Variants in EYA1 observed in about 807,000 individuals in gnomAD.
The protein encoded by EYA1 is EYA transcriptional coactivator and phosphatase 1.
In EYA1, 16 loss-of-function variants were observed where a neutral mutation model predicts 82.0. The observed-to-expected ratio is 0.20, with a 90% confidence interval of 0.13 to 0.30. EYA1 has a LOEUF of 0.30. EYA1 is among the 10% of genes least tolerant of loss of function. The pLI is 1.00. For synonymous variants in EYA1, 261 were observed against 264.4 expected (o/e 0.99, Z 0.12); for missense variants, 633 against 730.7 (o/e 0.87, Z 1.54).
At chr8:71,329,085 G>A (rs1321485980) in intron 4 of EYA1, among the ~76,000 whole-genome samples, 1 of 152,174 alleles carries the variant, frequency 6.6e-6, no homozygotes, top group Non-Finnish European at 1.5e-5. Context: ...AAGTAGTGAT[G>A]AAGGGTGCGG....
chr8:71,203,559 G>T (rs1807340050), intron 17 of EYA1, among the ~76,000 whole-genome samples: 1 of 152,260 alleles, frequency 6.6e-6, no homozygotes, highest in East Asian at 1.9e-4. Flanking sequence ...AGGAGTAATT[G>T]GCCTGTGGAG....
intron 11 of EYA1, among the ~76,000 whole-genome samples, chr8:71,261,796 G>A (rs1024618266): frequency 1.3e-5 from 2 of 152,178 alleles, no homozygotes; most frequent in Non-Finnish European, 2.9e-5. Flanking sequence ...TAAGGGAAAG[G>A]CTAAACAGCT....
chr8:71,449,641 A>G (rs1288862261), intron 2 of EYA1, among the ~76,000 whole-genome samples: 1 of 152,208 alleles, frequency 6.6e-6, no homozygotes, highest in East Asian at 1.9e-4. Context: ...CAGAATAGGA[A>G]ATGAACAATG....
At chr8:71,439,831 T>A (rs996537129) in intron 2 of EYA1, among the ~76,000 whole-genome samples, 2 of 152,272 alleles carry the variant, frequency 1.3e-5, no homozygotes, top group South Asian at 4.2e-4. Context: ...CTCAACTAGC[T>A]GTGGGACTTA....
intron 12 of EYA1, among the ~76,000 whole-genome samples, chr8:71,219,753 T>G (rs1809660724): frequency 6.6e-6 from 1 of 152,208 alleles, no homozygotes; most frequent in Admixed American, 6.5e-5. Flanking sequence ...CACAATGTGT[T>G]AACCTGTTGT....
At chr8:71,252,466 C>T (rs542581896) in intron 11 of EYA1, among the ~76,000 whole-genome samples, 6 of 152,194 alleles carry the variant, frequency 3.9e-5, no homozygotes, top group South Asian at 4.1e-4. Flanking sequence ...AAGGCACTTT[C>T]GATAGAATGT....
chr8:71,244,627 T>C lies in EYA1; in HGVS notation c.1116A>G (p.Thr372=), dbSNP rs1041652836. The C allele has an allele frequency of 1.9e-6, 3 of 1,604,822 alleles. No homozygotes were observed. The highest frequency in any genetic ancestry group is 4.5e-5 in the East Asian group (2 of 44,698). The change falls in exon 12 of 18, where the codon ACA becomes ACG. Residue 372 remains threonine, a synonymous_variant. Transcript: ENST00000340726. ...MEEMIFNLAD[T]HLFFNDLEEC... is the part of the protein sequence containing the mutation. ...CTTCTAAGTCATTAAAAAATAAATGTGTGTCTGCCAAGTTGAAAATCATTT... is the reference window on the plus strand; with the variant it reads ...CTTCTAAGTCATTAAAAAATAAATGCGTGTCTGCCAAGTTGAAAATCATTT...
At chr8:71,226,625 G>T (rs763862960) in intron 12 of EYA1, among the ~76,000 whole-genome samples, 4 of 148,034 alleles carry the variant, frequency 2.7e-5, no homozygotes, top group African/African-American at 2.5e-5. Context: ...GTCTCTAAAG[G>T]TAATGGATTA....
chr8:71,437,020 T>C (rs1009855229), intron 2 of EYA1, among the ~76,000 whole-genome samples: 1 of 150,682 alleles, frequency 6.6e-6, no homozygotes, highest in Non-Finnish European at 1.5e-5. Flanking sequence ...CATGCTTTTA[T>C]ATTATTCTTA....
At chr8:71,430,964 A>G (rs1805577847) in intron 2 of EYA1, among the ~76,000 whole-genome samples, 2 of 152,010 alleles carry the variant, frequency 1.3e-5, no homozygotes, top group African/African-American at 2.4e-5. Flanking sequence ...GGCTTTAATT[A>G]AGTGGATAAG....
intron 2 of EYA1, among the ~76,000 whole-genome samples, chr8:71,470,519 T>C (rs1262690637): frequency 2.0e-5 from 3 of 152,070 alleles, no homozygotes; most frequent in African/African-American, 7.2e-5. Context: ...TTAAAAGTAA[T>C]GGTAAAAACC....
chr8:71,483,225 C>A (rs1260029775), intron 2 of EYA1, among the ~76,000 whole-genome samples: 1 of 152,178 alleles, frequency 6.6e-6, no homozygotes, highest in Admixed American at 6.5e-5. Flanking sequence ...TGGCTGTTGC[C>A]TCTGCCTGGA....
chr8:71,339,118 CTCAT>C (rs1824830089), intron 3 of EYA1, among the ~76,000 whole-genome samples: 2 of 152,082 alleles, frequency 1.3e-5, no homozygotes, highest in African/African-American at 4.8e-5. Flanking sequence ...CACCTTTGAC[CTCAT>C]TCATTCACTT....
intron 2 of EYA1, chr8:71,470,931 G>C (rs901859830): frequency 4.5e-6 from 2 of 448,882 alleles, no homozygotes; most frequent in African/African-American, 4.0e-5. Context: ...GTGCCAATGG[G>C]CTTTAAAAAA....
chr8:71,386,841 G>T (rs1828994014), intron 2 of EYA1, among the ~76,000 whole-genome samples: 1 of 152,174 alleles, frequency 6.6e-6, no homozygotes, highest in African/African-American at 2.4e-5. Flanking sequence ...TCTATTTCAT[G>T]ACAACCTGAT....
intron 4 of EYA1, among the ~76,000 whole-genome samples, chr8:71,332,180 T>C (rs1823953892): frequency 6.6e-6 from 1 of 152,072 alleles, no homozygotes; most frequent in Admixed American, 6.5e-5. Flanking sequence ...GAATTACCTG[T>C]TTTCATTTGA....
At chr8:71,200,660 A>G (rs755672175) in intron 17 of EYA1, among the ~76,000 whole-genome samples, 4 of 152,192 alleles carry the variant, frequency 2.6e-5, no homozygotes, top group Admixed American at 6.5e-5. Flanking sequence ...ACACTGTAAG[A>G]CGTAGCATTG....
At chr8:71,433,934 A>G (rs1805812883) in intron 2 of EYA1, among the ~76,000 whole-genome samples, 1 of 152,224 alleles carries the variant, frequency 6.6e-6, no homozygotes, top group African/African-American at 2.4e-5. Context: ...GCAGGCAGTT[A>G]AGAGGCTACT....
chr8:71,308,177 T>C (rs917900055), intron 7 of EYA1, among the ~76,000 whole-genome samples: 1 of 152,106 alleles, frequency 6.6e-6, no homozygotes, highest in Non-Finnish European at 1.5e-5. Flanking sequence ...GAATCGGTAA[T>C]GTTGAAAGCA....
Sources: allele counts gnomAD v4.1 joint callset (sites outside exome capture counted in the v4.1 genomes callset), GRCh38; gene constraint gnomAD v4.1.1; transcripts MANE v1.5; gene names NCBI Gene and HGNC (gene_info 2026-07-23, HGNC 2026-07-21).